Variants in MEP1A observed in about 807,000 individuals in gnomAD.
MEP1A encodes the protein meprin A subunit alpha, also known as N-benzoyl-L-tyrosyl-P-amino-benzoic acid hydrolase subunit alpha.
Under a neutral mutation model 84.5 loss-of-function variants are expected in MEP1A, and 68 were observed. The observed-to-expected ratio is 0.80, with a 90% CI of 0.66 to 0.98. The LOEUF (loss-of-function observed/expected upper bound fraction) is 0.98. Ranked by LOEUF, MEP1A falls within the 50% of genes least tolerant of loss-of-function variation. The pLI is 0.00. For synonymous variants in MEP1A, 337 were observed against 336.8 expected (o/e 1.00, Z -0.01); for missense variants, 887 against 919.9 (o/e 0.96, Z 0.46).
At chr6:46,840,841 C>G (rs1433152102), downstream of MEP1A, among the ~76,000 whole-genome samples, 1 of 152,136 alleles carries the variant, frequency 6.6e-6, no homozygotes, top group Non-Finnish European at 1.5e-5. Context: ...GTATTATCTC[C>G]AAAGACCAGA....
In MEP1A at chr6:46,825,416, A is replaced by C. The variant is rs757197749; in HGVS notation, c.701A>C (p.Glu234Ala). The C allele has an allele frequency of 6.2e-7, 1 of 1,613,890 alleles. No homozygotes were observed. Among genetic ancestry groups the C allele is most frequent in the South Asian group, 1.1e-5 (1 of 91,072 alleles). The change falls in exon 8 of 14, where the codon GAG (glutamate) becomes GCG (alanine). Residue 234 changes from glutamate to alanine, a missense_variant. Physicochemically the swap from Glu to Ala is moderately radical, Grantham distance 107. Coordinates refer to ENST00000230588, the MANE Select transcript of MEP1A (RefSeq NM_005588.3). The part of the protein sequence containing the change: ...SVPTITAKIP[E>A]FNSIIGQRLD... ...CCCACCATCACAGCCAAGATCCCTG[A>C]GTTTAACTCCATTATCGGACAGCGC...
intron 4 of MEP1A, 135 bp downstream of exon 4, chr6:46,798,781 G>A (rs1446403421): frequency 5.3e-6 from 4 of 755,466 alleles, no homozygotes; most frequent in Admixed American, 2.4e-5. Context: ...ATCTGTTCCA[G>A]TGAGGAGTTC....
At position 46,839,265 on chromosome 6, in the gene MEP1A, C is replaced by T. The variant is rs182210959; in HGVS notation, c.*129C>T. ...CTCCAAGGACTAAGGCCTCCAGCCCCATGTGTGACCCTTGTCATCTCTCTG... is the reference window on the plus strand; with the variant it reads ...CTCCAAGGACTAAGGCCTCCAGCCCTATGTGTGACCCTTGTCATCTCTCTG... On this transcript the variant is annotated 3_prime_UTR_variant, in exon 14 of 14. Coordinates refer to ENST00000230588, the MANE Select transcript of MEP1A (RefSeq NM_005588.3). 2.7e-4 allele frequency: 178 copies of T among 647,582 alleles called. 2 individuals carry two copies. Among genetic ancestry groups the T allele is most frequent in the African/African-American group, 2.4e-3 (133 of 54,858 alleles). The allele number at this position is 647,582 out of a possible 1,614,324, so 40.1% of individuals were successfully genotyped here.
At chr6:46,838,136 G>C (rs1465968683) in intron 13 of MEP1A, among the ~76,000 whole-genome samples, 1 of 151,228 alleles carries the variant, frequency 6.6e-6, no homozygotes, top group East Asian at 1.9e-4. Flanking sequence ...GACCTCAGGT[G>C]ATCCACCCGG....
rs1768050677 is a variant in MEP1A at position 46,830,261 on chromosome 6, A to T, written c.1144+690A>T. 2.0e-5 allele frequency among the ~76,000 whole-genome samples: 3 copies of T among 150,036 alleles called. No individual in the cohort carries two copies. The South Asian group carries it at 6.3e-4, about 31-fold the overall frequency. ...AAGACTCCATCTAAAAAAAAAAAAAAAAAAAAAAAAAAAAAAAAAATTGAC... is the reference window on the plus strand; with the variant it reads ...AAGACTCCATCTAAAAAAAAAAAAATAAAAAAAAAAAAAAAAAAAATTGAC... On this transcript the variant is annotated intron_variant, in intron 10 of 13. Transcript: ENST00000230588.
chr6:46,798,550 G>A, intron 3 of MEP1A, 56 bp from the exon 4 acceptor site: 2 of 1,302,876 alleles, frequency 1.5e-6, no homozygotes, highest in East Asian at 2.3e-5. Flanking sequence ...TACGAAAGAT[G>A]CCTTTTAATA....
At chr6:46,794,382 T>G (rs1219229550) in intron 3 of MEP1A, among the ~76,000 whole-genome samples, 2 of 152,238 alleles carry the variant, frequency 1.3e-5, no homozygotes, top group Admixed American at 6.5e-5. Context: ...AGCTTTTATA[T>G]GCAATTGCAT....
intron 5 of MEP1A, among the ~76,000 whole-genome samples, chr6:46,807,568 G>GAAA (rs1343800950): frequency 0.042 from 1,730 of 41,620 alleles, 13 homozygotes; most frequent in African/African-American, 0.055. Flanking sequence ...AAGAAAGAAA[G>GAAA]GAAGGAAGGA....
chr6:46,814,959 A>T (rs1767599392), intron 6 of MEP1A, among the ~76,000 whole-genome samples: 1 of 152,162 alleles, frequency 6.6e-6, no homozygotes, highest in Non-Finnish European at 1.5e-5. Flanking sequence ...ATGGGAATGA[A>T]GTGGACTCTG....
At chr6:46,822,292 T>C (rs906978479) in intron 7 of MEP1A, among the ~76,000 whole-genome samples, 6 of 152,144 alleles carry the variant, frequency 3.9e-5, no homozygotes, top group African/African-American at 1.4e-4. Flanking sequence ...CTAGAACAGG[T>C]TTGCTGACTG....
At chr6:46,811,787 A>T (rs902742423) in intron 6 of MEP1A, among the ~76,000 whole-genome samples, 3 of 151,908 alleles carry the variant, frequency 2.0e-5, no homozygotes, top group Admixed American at 6.6e-5. Flanking sequence ...TTGATTTTGT[A>T]TGTGAAACCA....
In MEP1A at chr6:46,833,377, GAC is replaced by G; in HGVS notation, c.1449_1450del (p.Arg483SerfsTer29). On this transcript the variant is annotated frameshift_variant, in exon 11 of 14. Coordinates refer to ENST00000230588, the MANE Select transcript of MEP1A (RefSeq NM_005588.3). LOFTEE classifies it high-confidence loss of function. The stretch of plus-strand genomic sequence containing the variant: ...AGCAGAGAAAGCTCTGGTTACTTGA[GAC>G]TTGCTTTTCATGTGTGCAGTGGGGA... 1 of 1,614,206 alleles carries G rather than the reference GAC, an allele frequency of 6.2e-7. No homozygotes were observed. Among genetic ancestry groups the G allele is most frequent in the Non-Finnish European group, 8.5e-7 (1 of 1,180,038 alleles).
intron 7 of MEP1A, 124 bp downstream of exon 7, chr6:46,819,828 G>A (rs1767726706): frequency 1.9e-6 from 2 of 1,050,594 alleles, no homozygotes; most frequent in East Asian, 2.4e-5. Context: ...CTCTGAAGAG[G>A]TTATGATTTG....
intron 13 of MEP1A, among the ~76,000 whole-genome samples, chr6:46,838,467 G>C (rs535078381): frequency 6.6e-6 from 1 of 152,302 alleles, no homozygotes; most frequent in South Asian, 2.1e-4. Flanking sequence ...GGGCAACCTC[G>C]TGAGATAGTG....
At chr6:46,810,350 G>A (rs1302880448) in intron 6 of MEP1A, among the ~76,000 whole-genome samples, 1 of 151,956 alleles carries the variant, frequency 6.6e-6, no homozygotes, top group African/African-American at 2.4e-5. Flanking sequence ...TGGGTTATTT[G>A]TAGATTCCAG....
intron 9 of MEP1A, among the ~76,000 whole-genome samples, chr6:46,827,816 T>C (rs2150753941): frequency 6.6e-6 from 1 of 152,336 alleles, no homozygotes; most frequent in Non-Finnish European, 1.5e-5. Flanking sequence ...TAGGCTAATG[T>C]ACAATTGCCA....
At chr6:46,833,626 C>G in intron 11 of MEP1A, 88 bp downstream of exon 11, 1 of 956,732 alleles carries the variant, frequency 1.0e-6, no homozygotes, top group Non-Finnish European at 1.6e-6. Flanking sequence ...GAGTAACGTT[C>G]TCCTCACATT....
At chr6:46,818,873 C>A (rs1767700530) in intron 6 of MEP1A, among the ~76,000 whole-genome samples, 1 of 152,072 alleles carries the variant, frequency 6.6e-6, no homozygotes. Flanking sequence ...CACCTGTAAT[C>A]CTAGCATTTT....
At chr6:46,809,125 G>T (rs1292811841) in intron 5 of MEP1A, among the ~76,000 whole-genome samples, 2 of 151,054 alleles carry the variant, frequency 1.3e-5, no homozygotes, top group Non-Finnish European at 2.9e-5. Context: ...AGAAAGTGTG[G>T]AAGTTATTTT....
Sources: allele counts gnomAD v4.1 joint callset (sites outside exome capture counted in the v4.1 genomes callset), GRCh38; gene constraint gnomAD v4.1.1; transcripts MANE v1.5; gene names NCBI Gene and HGNC (gene_info 2026-07-23, HGNC 2026-07-21).